HCN1: variants seen among roughly 807,000 people sequenced by gnomAD.
The protein encoded by HCN1 is potassium/sodium hyperpolarization-activated cyclic nucleotide-gated channel 1.
HCN1 carries 13 observed loss-of-function variants against 78.9 expected under a neutral mutation model. That is an observed-to-expected ratio of 0.16 (90% CI 0.11 to 0.26). HCN1 has a LOEUF of 0.26. HCN1 is among the 10% of genes least tolerant of loss of function. The probability of loss-of-function intolerance (pLI) is 1.00; values close to 1 mark genes in which losing one functional copy is unlikely to be tolerated. For missense variants in HCN1, 810 were observed against 1,154.3 expected (o/e 0.70, Z 4.32); for synonymous variants, 552 against 455.5 (o/e 1.21, Z -2.70).
chr5:45,660,382 G>T (rs1306653472), intron 1 of HCN1, among the ~76,000 whole-genome samples: 3 of 122,002 alleles, frequency 2.5e-5, no homozygotes, highest in Non-Finnish European at 5.0e-5. Context: ...AGACTAGGAA[G>T]AAACTGCATC....
chr5:45,568,716 G>A (rs943132955), intron 2 of HCN1, among the ~76,000 whole-genome samples: 3 of 152,118 alleles, frequency 2.0e-5, no homozygotes, highest in Admixed American at 2.0e-4. Flanking sequence ...TCTTAGAAGT[G>A]TCATGACAAT....
chr5:45,372,116 T>TATATATTATATATATAATATAATA (rs1561127946), intron 4 of HCN1, among the ~76,000 whole-genome samples: 35 of 51,604 alleles, frequency 6.8e-4, no homozygotes, highest in Non-Finnish European at 8.3e-4. Context: ...ATAATATAAT[T>TATATATTATATATATAATATAATA]ATATATTATA....
At chr5:45,308,586 G>C (rs1401227725) in intron 5 of HCN1, among the ~76,000 whole-genome samples, 1 of 152,020 alleles carries the variant, frequency 6.6e-6, no homozygotes, top group African/African-American at 2.4e-5. Flanking sequence ...TTGTTGTGGA[G>C]TTAATAACTG....
rs770335726 is a variant in HCN1 at position 45,300,138 on chromosome 5, C to T, written c.1618+3461G>A. 7.2e-5 allele frequency among the ~76,000 whole-genome samples: 11 copies of T among 152,086 alleles called. No individual in the cohort carries two copies. In the South Asian group the frequency reaches 1.0e-3, roughly 14 times the overall value. On this transcript the variant is annotated intron_variant, in intron 6 of 7. Coordinates refer to ENST00000303230, the MANE Select transcript of HCN1 (RefSeq NM_021072.4). Reference sequence around the variant, plus strand: ...TCCTCTGAATTCACAAAACATATGTCGACTTCACAAATCCCATCTTTGTGC... The same window carrying T: ...TCCTCTGAATTCACAAAACATATGTTGACTTCACAAATCCCATCTTTGTGC...
intron 2 of HCN1, among the ~76,000 whole-genome samples, chr5:45,603,959 C>T (rs1744675385): frequency 6.6e-6 from 1 of 152,004 alleles, no homozygotes; most frequent in African/African-American, 2.4e-5. Flanking sequence ...TTTTGAATAG[C>T]TTCTTCACAT....
At chr5:45,275,630 T>A (rs1056538629) in intron 6 of HCN1, among the ~76,000 whole-genome samples, 1 of 152,132 alleles carries the variant, frequency 6.6e-6, no homozygotes, top group Non-Finnish European at 1.5e-5. Context: ...TTATATAGAA[T>A]ATATATTTGT....
intron 5 of HCN1, among the ~76,000 whole-genome samples, chr5:45,315,949 G>A (rs1174802429): frequency 6.6e-6 from 1 of 152,104 alleles, no homozygotes; most frequent in Non-Finnish European, 1.5e-5. Flanking sequence ...AAAAGTACAG[G>A]ACCAGATGGA....
intron 1 of HCN1, among the ~76,000 whole-genome samples, chr5:45,676,523 A>C (rs1296692271): frequency 1.3e-5 from 2 of 151,800 alleles, no homozygotes; most frequent in Non-Finnish European, 2.9e-5. Flanking sequence ...TCTTGGAACA[A>C]GACACTTAGG....
chr5:45,476,159 A>T (rs1741509793), intron 2 of HCN1, among the ~76,000 whole-genome samples: 1 of 152,140 alleles, frequency 6.6e-6, no homozygotes, highest in African/African-American at 2.4e-5. Context: ...AGAATCCTAA[A>T]ACCCTCTCTC....
chr5:45,486,022 T>C (rs955575189), intron 2 of HCN1, among the ~76,000 whole-genome samples: 2 of 152,164 alleles, frequency 1.3e-5, no homozygotes, highest in Non-Finnish European at 2.9e-5. Context: ...AGTTAGAAAA[T>C]GAGGCTTACA....
intron 1 of HCN1, among the ~76,000 whole-genome samples, chr5:45,657,075 T>A (rs1042619658): frequency 6.6e-6 from 1 of 152,304 alleles, no homozygotes; most frequent in African/African-American, 2.4e-5. Context: ...GGAGCATATG[T>A]TTCCAGGTCT....
chr5:45,553,664 A>G (rs901388245), intron 2 of HCN1, among the ~76,000 whole-genome samples: 3 of 151,930 alleles, frequency 2.0e-5, no homozygotes, highest in African/African-American at 7.2e-5. Context: ...ATAAAATATG[A>G]CATAGTATTT....
chr5:45,323,987 T>A (rs1264572482), intron 5 of HCN1, among the ~76,000 whole-genome samples: 1 of 151,996 alleles, frequency 6.6e-6, no homozygotes, highest in Admixed American at 6.6e-5. Context: ...TGGTTCCAAG[T>A]CTTTGCTATT....
At chr5:45,668,253 T>A (rs1018446646) in intron 1 of HCN1, among the ~76,000 whole-genome samples, 1 of 152,008 alleles carries the variant, frequency 6.6e-6, no homozygotes, top group South Asian at 2.1e-4. Flanking sequence ...TCATCTCAAA[T>A]TGTAATCCCC....
chr5:45,463,948 T>C (rs1056818781), intron 2 of HCN1, among the ~76,000 whole-genome samples: 2 of 152,070 alleles, frequency 1.3e-5, no homozygotes, highest in African/African-American at 4.8e-5. Context: ...AACTAATAAC[T>C]ATCTGAAAAT....
chr5:45,417,089 A>G (rs1040047793), intron 3 of HCN1, among the ~76,000 whole-genome samples: 15 of 151,982 alleles, frequency 9.9e-5, no homozygotes, highest in Admixed American at 1.3e-4. Flanking sequence ...ATTCAGTAGT[A>G]ATGAGAACAT....
intron 3 of HCN1, among the ~76,000 whole-genome samples, chr5:45,443,590 T>C (rs1431023298): frequency 1.3e-5 from 2 of 152,122 alleles, no homozygotes; most frequent in Non-Finnish European, 2.9e-5. Context: ...GTAGGCTTAA[T>C]TTTCCATAAG....
chr5:45,597,507 A>T (rs1056141009), intron 2 of HCN1, among the ~76,000 whole-genome samples: 4 of 152,214 alleles, frequency 2.6e-5, no homozygotes, highest in African/African-American at 9.6e-5. Context: ...GAAAACTGGC[A>T]CAAGACAAGG....
intron 3 of HCN1, among the ~76,000 whole-genome samples, chr5:45,405,251 T>C (rs889426414): frequency 1.3e-5 from 2 of 152,140 alleles, no homozygotes; most frequent in East Asian, 3.8e-4. Flanking sequence ...GCATAATTCA[T>C]TTGCAGTCAT....
Sources: allele counts gnomAD v4.1 joint callset (sites outside exome capture counted in the v4.1 genomes callset), GRCh38; gene constraint gnomAD v4.1.1; transcripts MANE v1.5; gene names NCBI Gene and HGNC (gene_info 2026-07-23, HGNC 2026-07-21).